PIAS4: variants seen among roughly 807,000 people sequenced by gnomAD.
The protein encoded by PIAS4 is E3 SUMO-protein ligase PIAS4.
Under a neutral mutation model 58.0 loss-of-function variants are expected in PIAS4, and 7 were observed. That is an observed-to-expected ratio of 0.12 (90% CI 0.07 to 0.23). PIAS4 has a LOEUF of 0.23. Ranked by LOEUF, PIAS4 falls within the 10% of genes least tolerant of loss-of-function variation. PIAS4 has a pLI of 1.00. For synonymous variants in PIAS4, 364 were observed against 312.4 expected, an observed-to-expected ratio of 1.17 and a Z score of -1.74; for missense variants, 550 against 709.5, an observed-to-expected ratio of 0.78 and a Z score of 2.55.
intron 3 of PIAS4, among the ~76,000 whole-genome samples, chr19:4,027,096 CCCG>C (rs1193407466): frequency 6.6e-6 from 1 of 152,244 alleles, no homozygotes. Context: ...TTGTTATCCG[CCCG>C]CCTCGGCCTC....
chr19:4,027,562 G>GTT lies in PIAS4; in HGVS notation c.540-580_540-579dup, dbSNP rs74266001. 2.5e-3 allele frequency among the ~76,000 whole-genome samples: 324 copies of GTT among 130,812 alleles called. 35 individuals are homozygous for GTT. Among genetic ancestry groups the GTT allele is most frequent in the Middle Eastern group, 8.7e-3 (2 of 230 alleles). 85.8% of individuals were successfully genotyped at this position (130,812 alleles called of 152,430 possible). On this transcript the variant is annotated intron_variant, in intron 3 of 10. Transcript: ENST00000262971. The stretch of plus-strand genomic sequence containing the variant: ...TAAAGTTTATCCTCAGGTGTTACTG[G>GTT]TTTTTGTTTTTTTTTTTTTGGAGAG...
intron 4 of PIAS4, 77 bp from the exon 5 acceptor site, chr19:4,028,433 C>T (rs1213833771): frequency 6.4e-6 from 7 of 1,093,330 alleles, no homozygotes; most frequent in East Asian, 5.1e-5. Context: ...GCCTGGCTAC[C>T]ACTCGTGTAC....
At chr19:4,012,622 C>G (rs1003949194) in intron 1 of PIAS4, among the ~76,000 whole-genome samples, 7 of 152,074 alleles carry the variant, frequency 4.6e-5, no homozygotes, top group Admixed American at 1.3e-4. Context: ...AGTTCCTGCC[C>G]TGGGGATGCT....
At chr19:4,031,085 G>A (rs940944209) in intron 7 of PIAS4, among the ~76,000 whole-genome samples, 2 of 152,084 alleles carry the variant, frequency 1.3e-5, no homozygotes, top group African/African-American at 4.8e-5. Context: ...TCTTCCAGCT[G>A]CCCCTCCTAG....
At chr19:4,018,223 G>C (rs1431150230) in intron 2 of PIAS4, among the ~76,000 whole-genome samples, 1 of 152,250 alleles carries the variant, frequency 6.6e-6, no homozygotes, top group East Asian at 1.9e-4. Context: ...CCGGCGCCCT[G>C]CTGCCCGAGT....
Position 4,029,020 on chromosome 19 carries a change from G to T in PIAS4, c.891G>T (p.Glu297Asp). 6.2e-7 allele frequency: 1 copy of T among 1,604,874 alleles called. No homozygotes were observed. Among genetic ancestry groups the T allele is most frequent in the Non-Finnish European group, 8.5e-7 (1 of 1,175,938 alleles). Residue 297 changes from glutamate (E) to aspartate (D), a missense_variant, in exon 7 of 11, where the codon GAG (glutamate) becomes GAT (aspartate). By Grantham distance (45) the Glu-to-Asp change is conservative. Transcript: ENST00000262971. ...RLKTIGVKHPELCKALVKEKL... is the reference protein window; with the variant it reads ...RLKTIGVKHPDLCKALVKEKL... ...AGACCATTGGGGTAAAGCACCCGGA[G>T]CTGTGCAAGGCACTGGGTGAGCAGC...
At chr19:4,033,983 C>T (rs1219721420) in intron 9 of PIAS4, among the ~76,000 whole-genome samples, 1 of 150,936 alleles carries the variant, frequency 6.6e-6, no homozygotes, top group Non-Finnish European at 1.5e-5. Flanking sequence ...GGAGGTGGCG[C>T]CTCCTGGAGC....
At chr19:4,036,815 C>T (rs1255823463) in intron 9 of PIAS4, among the ~76,000 whole-genome samples, 1 of 137,648 alleles carries the variant, frequency 7.3e-6, no homozygotes. Context: ...CGTCACATAT[C>T]TGTACAGTCC....
Position 4,037,029 on chromosome 19 carries a change from G to A in PIAS4, c.1143-345G>A, listed in dbSNP as rs2040305043. Among the ~76,000 whole-genome samples, 1 of 152,210 alleles carries A rather than the reference G, an allele frequency of 6.6e-6. No individual in the cohort carries two copies. On this transcript the variant is annotated intron_variant, in intron 9 of 10. Coordinates refer to ENST00000262971, the MANE Select transcript of PIAS4 (RefSeq NM_015897.4). The surrounding 1 kb of genome is among the most constrained non-coding windows in gnomAD (Gnocchi z 5.8). ...CTCACGTCCACACACGCTCAAACAT[G>A]CGTGCACACCCGGAGGTGCCCAGAG...
chr19:4,023,857 G>A (rs995672522), intron 2 of PIAS4, among the ~76,000 whole-genome samples, 179 bp from the exon 3 acceptor site: 2 of 152,218 alleles, frequency 1.3e-5, no homozygotes, highest in South Asian at 4.1e-4. Context: ...GAAGGGGATG[G>A]GCGGGAGTCC....
intron 8 of PIAS4, 86 bp from the exon 9 acceptor site, chr19:4,033,334 C>T: frequency 7.2e-7 from 1 of 1,382,926 alleles, no homozygotes; most frequent in Non-Finnish European, 9.9e-7. Context: ...TTGGAGCGAG[C>T]CACAGGATGG....
chr19:4,014,566 C>G (rs975477656), intron 2 of PIAS4, among the ~76,000 whole-genome samples: 21 of 152,192 alleles, frequency 1.4e-4, no homozygotes, highest in African/African-American at 4.6e-4. Context: ...CCCCTGCCCC[C>G]ACTCTTTCCT....
At chr19:4,032,971 G>A (rs1021565097) in intron 7 of PIAS4, 129 bp from the exon 8 acceptor site, 11 of 724,638 alleles carry the variant, frequency 1.5e-5, no homozygotes, top group South Asian at 7.0e-5. Flanking sequence ...GCCACACAGC[G>A]AAGCTTGGGA....
At chr19:4,023,138 G>C (rs377175441) in intron 2 of PIAS4, among the ~76,000 whole-genome samples, 15 of 146,160 alleles carry the variant, frequency 1.0e-4, no homozygotes, top group Non-Finnish European at 1.8e-4. Context: ...TGCTATTGCA[G>C]TCCAGCCTGG....
At position 4,033,161 on chromosome 19, in the gene PIAS4, C is replaced by T. The variant is rs776948495; in HGVS notation, c.969C>T (p.Ser323=). 1 of 1,610,070 alleles carries T rather than the reference C, an allele frequency of 6.2e-7. No individual in the cohort carries two copies. Among genetic ancestry groups the T allele is most frequent in the East Asian group, 2.2e-5 (1 of 44,862 alleles). ...SEIATTGVRV[S]LICPLVKMRL... Reference sequence around the variant, plus strand: ...TCGCCACCACCGGTGTGCGGGTGTCCCTCATCTGTCCGGTGAGTCGGGGCG... The same window carrying T: ...TCGCCACCACCGGTGTGCGGGTGTCTCTCATCTGTCCGGTGAGTCGGGGCG... Residue 323 remains serine (S), a synonymous_variant, in exon 8 of 11, where the codon TCC becomes TCT. Transcript: ENST00000262971.
chr19:4,011,671 TGGGG>T (rs371853728), intron 1 of PIAS4, among the ~76,000 whole-genome samples: 2 of 121,834 alleles, frequency 1.6e-5, no homozygotes, highest in African/African-American at 6.5e-5. Context: ...TGTGGAGGTG[TGGGG>T]GGTGTGGAGG....
chr19:4,028,125 T>C lies in PIAS4; in HGVS notation c.540-21T>C, dbSNP rs199596840. ...CACTCAGCTCTCCTTTCCTTTCCTC[T>C]GGTTTGCTCCACACCCACAGGGAAC... On this transcript the variant is annotated intron_variant, in intron 3 of 10. Transcript: ENST00000262971. 1.4e-3 allele frequency: 2,245 copies of C among 1,613,510 alleles called. 4 individuals are homozygous for C. Among genetic ancestry groups the C allele is most frequent in the Admixed American group, 3.0e-3 (183 of 60,002 alleles).
intron 3 of PIAS4, 108 bp downstream of exon 3, chr19:4,024,228 C>T (rs1329662604): frequency 1.2e-6 from 1 of 824,412 alleles, no homozygotes; most frequent in African/African-American, 1.7e-5. Flanking sequence ...CTCGCTCGGG[C>T]TCAGTCCAGA....
rs560569219 is a variant in PIAS4 at position 4,033,984 on chromosome 19, C to T, written c.1142+404C>T. On this transcript the variant is annotated intron_variant, in intron 9 of 10. Coordinates refer to ENST00000262971, the MANE Select transcript of PIAS4 (RefSeq NM_015897.4). ...CACAGAAAGGCAAAGGAGGTGGCGC[C>T]TCCTGGAGCACTCTGGCTACGCCAT... 5.2e-4 allele frequency among the ~76,000 whole-genome samples: 78 copies of T among 151,054 alleles called. 1 individual carries two copies. The highest frequency in any genetic ancestry group is 3.4e-3 in the Middle Eastern group (1 of 292).
Sources: allele counts gnomAD v4.1 joint callset (sites outside exome capture counted in the v4.1 genomes callset), GRCh38; gene constraint gnomAD v4.1.1; non-coding constraint Gnocchi (gnomAD v3.1); transcripts MANE v1.5; gene names NCBI Gene and HGNC (gene_info 2026-07-23, HGNC 2026-07-21).